The following RUBCN variants were observed in gnomAD, a reference collection of about 807,000 sequenced individuals.
RUBCN encodes the protein rubicon autophagy regulator, also known as run domain Beclin-1-interacting and cysteine-rich domain-containing protein.
Under a neutral mutation model 113.2 loss-of-function variants are expected in RUBCN, and 74 were observed. That is an observed-to-expected ratio of 0.65 (90% CI 0.54 to 0.79). The LOEUF is 0.79. Ranked by LOEUF, RUBCN falls within the 30% of genes least tolerant of loss-of-function variation. RUBCN has a pLI of 0.00. For missense variants in RUBCN, 1,109 were observed against 1,251.7 expected (o/e 0.89, Z 1.72); for synonymous variants, 480 against 490.0 (o/e 0.98, Z 0.27).
At chr3:197,749,530 C>T (rs764092321) in exon 1 of RUBCN, 8 of 1,290,476 alleles carry the variant, frequency 6.2e-6, no homozygotes, top group Non-Finnish European at 8.1e-6. Context: ...TCCTGCCTCC[C>T]GAGGCTGCGT....
chr3:197,744,179 G>T (rs1022928392), intron 1 of RUBCN, among the ~76,000 whole-genome samples: 16 of 151,574 alleles, frequency 1.1e-4, no homozygotes, highest in African/African-American at 3.4e-4. Flanking sequence ...ACAGACAAAT[G>T]AATTACAAGA....
At chr3:197,692,606 C>T (rs976883800) in intron 11 of RUBCN, among the ~76,000 whole-genome samples, 1 of 151,896 alleles carries the variant, frequency 6.6e-6, no homozygotes, top group African/African-American at 2.4e-5. Context: ...TGTAAGTCAC[C>T]CAGCTGATGG....
intron 2 of RUBCN, among the ~76,000 whole-genome samples, chr3:197,717,522 G>GCCAAGTGA (rs1342657063): frequency 2.6e-5 from 4 of 152,138 alleles, no homozygotes; most frequent in Admixed American, 6.5e-5. Context: ...GTGGCCAAGA[G>GCCAAGTGA]CCAAAGAATG....
At chr3:197,685,576 CA>C (rs1398291769) in intron 11 of RUBCN, among the ~76,000 whole-genome samples, 2 of 152,170 alleles carry the variant, frequency 1.3e-5, no homozygotes, top group Non-Finnish European at 2.9e-5. Context: ...ACTCAAATAA[CA>C]TTGTTGACAA....
chr3:197,738,539 CTTT>C (rs895416997), upstream of RUBCN, among the ~76,000 whole-genome samples: 4 of 152,146 alleles, frequency 2.6e-5, no homozygotes, highest in South Asian at 2.1e-4. Context: ...GATTATACTT[CTTT>C]AAGAAAGGGG....
At chr3:197,717,412 C>T (rs1271033617) in intron 2 of RUBCN, among the ~76,000 whole-genome samples, 1 of 151,246 alleles carries the variant, frequency 6.6e-6, no homozygotes, top group African/African-American at 2.4e-5. Flanking sequence ...CCACCGCACT[C>T]CAGCCTGGGT....
intron 2 of RUBCN, among the ~76,000 whole-genome samples, chr3:197,711,936 G>A (rs944620522): frequency 2.0e-5 from 3 of 151,862 alleles, no homozygotes; most frequent in African/African-American, 7.3e-5. Context: ...GGTGACTATC[G>A]CTTGGTGTTG....
Position 197,701,826 on chromosome 3 carries a change from C to T in RUBCN, c.609G>A (p.Lys203=), listed in dbSNP as rs745455088. 3 of 1,614,170 alleles carry T rather than the reference C, an allele frequency of 1.9e-6. No homozygotes were observed. The highest frequency in any genetic ancestry group is 2.5e-6 in the Non-Finnish European group (3 of 1,180,038). ...RKHESPLLVT[K]SQSLTALPSS... is the part of the protein sequence containing the mutation. The stretch of plus-strand genomic sequence containing the variant: ...TGGGCAGGGCTGTCAGGCTCTGGCT[C>T]TTTGTCACCAGGAGCGGGCTCTCGT... The change falls in exon 6 of 20, where the codon AAG becomes AAA. Residue 203 remains lysine (K), a synonymous_variant. Transcript: ENST00000296343.
chr3:197,696,055 T>A (rs1395050527), intron 8 of RUBCN, 74 bp from the exon 9 acceptor site: 5 of 1,335,242 alleles, frequency 3.7e-6, no homozygotes, highest in Non-Finnish European at 4.3e-6. Flanking sequence ...TTAAAGATGC[T>A]CCCAAGTCTT....
intron 1 of RUBCN, among the ~76,000 whole-genome samples, chr3:197,746,840 C>T (rs1482178240): frequency 1.3e-5 from 2 of 152,106 alleles, no homozygotes; most frequent in African/African-American, 4.8e-5. Context: ...TGCCCACGTC[C>T]AGTCCAGGGC....
chr3:197,675,283 GCCA>G lies in RUBCN; in HGVS notation c.2741-90_2741-88del. 2.6e-6 allele frequency: 4 copies of G among 1,560,484 alleles called. No individual in the cohort carries two copies. Among genetic ancestry groups the G allele is most frequent in the Admixed American group, 1.7e-5 (1 of 59,950 alleles). On this transcript the variant is annotated intron_variant, in intron 19 of 19. Transcript: ENST00000296343. The surrounding 1 kb of genome is among the most constrained non-coding windows in gnomAD (Gnocchi z 4.4). Reference sequence around the variant, plus strand: ...TCAGTTGCTGCCACAGCCCCTTCTCGCCACCAAGGCGTGGTGTCCCCTGGGGAG... The same window carrying G: ...TCAGTTGCTGCCACAGCCCCTTCTCGCCAAGGCGTGGTGTCCCCTGGGGAG...
intron 2 of RUBCN, 135 bp from the exon 3 acceptor site, chr3:197,705,310 G>A (rs1724170881): frequency 1.3e-6 from 1 of 798,268 alleles, no homozygotes; most frequent in Middle Eastern, 2.2e-4. Flanking sequence ...AGCAATCAAA[G>A]GATACACACA....
At chr3:197,723,005 T>G (rs1260307113) in intron 1 of RUBCN, among the ~76,000 whole-genome samples, 1 of 152,150 alleles carries the variant, frequency 6.6e-6, no homozygotes, top group South Asian at 2.1e-4. Context: ...TTTTCTAGTT[T>G]TTTTACAGTT....
intron 1 of RUBCN, among the ~76,000 whole-genome samples, chr3:197,727,805 G>A (rs1012414186): frequency 1.3e-5 from 2 of 152,236 alleles, no homozygotes; most frequent in African/African-American, 2.4e-5. Flanking sequence ...ATATAAGAAA[G>A]ACAATCTTAT....
Position 197,676,895 on chromosome 3 carries a change from T to G in RUBCN, c.2636A>C (p.Glu879Ala), listed in dbSNP as rs761736377. 1.2e-6 allele frequency: 2 copies of G among 1,614,060 alleles called. No homozygotes were observed. The highest frequency in any genetic ancestry group is 2.7e-5 in the African/African-American group (2 of 74,924). Residue 879 changes from glutamate (E) to alanine (A), a missense_variant, in exon 18 of 20, where the codon GAG becomes GCG. Coordinates refer to ENST00000296343, the MANE Select transcript of RUBCN (RefSeq NM_014687.4). ...ELTRAGATHV[E>A]RCMLCQAKGF... ...GTGAGACTTTCTCACCATGCATCTCTCCACATGGGTAGCCCCTGCCCTGGT... is the reference window on the plus strand; with the variant it reads ...GTGAGACTTTCTCACCATGCATCTCGCCACATGGGTAGCCCCTGCCCTGGT...
intron 8 of RUBCN, among the ~76,000 whole-genome samples, 187 bp downstream of exon 8, chr3:197,696,767 A>G (rs1580234658): frequency 6.9e-6 from 1 of 144,322 alleles, no homozygotes; most frequent in Admixed American, 6.8e-5. Context: ...GTCAGAGAGA[A>G]GCAAGAGAAA....
upstream of RUBCN, among the ~76,000 whole-genome samples, chr3:197,738,853 A>G (rs2109019941): frequency 6.6e-6 from 1 of 152,222 alleles, no homozygotes; most frequent in East Asian, 1.9e-4. Flanking sequence ...CAGTCACCCA[A>G]AAAGTATTGG....
At position 197,695,956 on chromosome 3, in the gene RUBCN, C is replaced by A. The variant is rs202146326; in HGVS notation, c.1383G>T (p.Gly461=). ...EYEGGRYLCS[G]EGMFRRPSEG... Reference sequence around the variant, plus strand: ...CTGATGGTCTTCGGAACATGCCTTCCCCTGAGCACAGGTACCGACCACCTT... The same window carrying A: ...CTGATGGTCTTCGGAACATGCCTTCACCTGAGCACAGGTACCGACCACCTT... Residue 461 remains glycine, a synonymous_variant, in exon 9 of 20, where the codon GGG becomes GGT. Coordinates refer to ENST00000296343, the MANE Select transcript of RUBCN (RefSeq NM_014687.4). 6.2e-7 allele frequency: 1 copy of A among 1,614,104 alleles called. No individual in the cohort carries two copies. Among genetic ancestry groups the A allele is most frequent in the Non-Finnish European group, 8.5e-7 (1 of 1,180,026 alleles).
Position 197,681,285 on chromosome 3 carries a change from G to T in RUBCN, c.2274C>A (p.Ile758=). 1.2e-6 allele frequency: 2 copies of T among 1,614,196 alleles called. No homozygotes were observed. The highest frequency in any genetic ancestry group is 1.7e-6 in the Non-Finnish European group (2 of 1,180,014). The change falls in exon 16 of 20, where the codon ATC becomes ATA. Residue 758 remains isoleucine (I), a synonymous_variant. Coordinates refer to ENST00000296343, the MANE Select transcript of RUBCN (RefSeq NM_014687.4). The surrounding 1 kb of genome is among the most constrained non-coding windows in gnomAD (Gnocchi z 5.5). ...CCCACTTGCGCAGAACCCGGCTGGG[G>T]ATGGCCATCTGGGCATTCTCGTGGC... ...QCCHENAQMA[I]PSRVLRKWDF... is the part of the protein sequence containing the mutation.
Sources: gnomAD v4.1 joint callset for allele counts (sites outside exome capture counted in the v4.1 genomes callset) on GRCh38, gnomAD v4.1.1 for gene constraint, Gnocchi (gnomAD v3.1) non-coding constraint, MANE v1.5 for transcripts, NCBI Gene and HGNC (gene_info 2026-07-23, HGNC 2026-07-21) for gene names.